The following DPY19L4 variants were observed in gnomAD, a reference collection of about 807,000 sequenced individuals.
DPY19L4 encodes probable C-mannosyltransferase DPY19L4.
A neutral mutation model predicts 102.8 loss-of-function variants in DPY19L4; 97 were observed. The observed-to-expected ratio is 0.94, with a 90% CI of 0.80 to 1.12. The LOEUF is 1.12. Ranked by LOEUF, DPY19L4 falls within the 50% of genes most tolerant of loss-of-function variation. The probability of loss-of-function intolerance (pLI) is 0.00; values close to 1 mark genes in which losing one functional copy is unlikely to be tolerated. For missense variants in DPY19L4, 815 were observed against 850.4 expected, an observed-to-expected ratio of 0.96 and a Z score of 0.52; for synonymous variants, 252 against 283.1, an observed-to-expected ratio of 0.89 and a Z score of 1.10.
intron 6 of DPY19L4, among the ~76,000 whole-genome samples, chr8:94,742,735 A>G (rs1464052273): frequency 6.6e-6 from 1 of 150,802 alleles, no homozygotes; most frequent in Non-Finnish European, 1.5e-5. Context: ...ATTTTTTTGT[A>G]TTTTTAGTAG....
chr8:94,768,479 T>C lies in DPY19L4; in HGVS notation c.1260T>C (p.Ser420=). 1 of 1,599,836 alleles carries C rather than the reference T, an allele frequency of 6.3e-7. No individual in the cohort carries two copies. The highest frequency in any genetic ancestry group is 8.5e-7 in the Non-Finnish European group (1 of 1,169,880). ...QDFFLRLTQS[S]LLPFYILVLI... ...TTTTTCTGCGATTGACACAGTCTTC[T>C]TTATTACCTTTCTACATTCTAGTGT... is the stretch of plus-strand genomic sequence containing the variant. Residue 420 remains serine (S), a synonymous_variant, in exon 12 of 19, where the codon TCT becomes TCC. Coordinates refer to ENST00000414645, the MANE Select transcript of DPY19L4 (RefSeq NM_181787.3).
chr8:94,749,446 G>A (rs1347138336), intron 6 of DPY19L4, among the ~76,000 whole-genome samples: 2 of 152,178 alleles, frequency 1.3e-5, no homozygotes, highest in Admixed American at 1.3e-4. Flanking sequence ...ACTGAACAAA[G>A]GAGTGGAGGA....
chr8:94,747,144 A>G (rs1811710839), intron 6 of DPY19L4, among the ~76,000 whole-genome samples: 1 of 151,890 alleles, frequency 6.6e-6, no homozygotes, highest in East Asian at 1.9e-4. Context: ...TCACTGCATC[A>G]TCAACCTCCC....
chr8:94,774,097 G>T (rs1488766452), intron 13 of DPY19L4, among the ~76,000 whole-genome samples: 1 of 150,436 alleles, frequency 6.6e-6, no homozygotes, highest in Non-Finnish European at 1.5e-5. Flanking sequence ...AGACTGGAGT[G>T]CGGTGGTGCC....
chr8:94,729,809 C>T (rs1810864513), intron 2 of DPY19L4, among the ~76,000 whole-genome samples: 2 of 151,514 alleles, frequency 1.3e-5, no homozygotes, highest in African/African-American at 4.9e-5. Flanking sequence ...CCAGCCTGGA[C>T]GATGCAGCAA....
At chr8:94,788,687 A>C (rs1813768229) in intron 18 of DPY19L4, among the ~76,000 whole-genome samples, 1 of 152,208 alleles carries the variant, frequency 6.6e-6, no homozygotes, top group African/African-American at 2.4e-5. Context: ...TGGCCTTCCA[A>C]TGAAGGCAGT....
At chr8:94,757,037 A>G (rs1812190689) in intron 7 of DPY19L4, among the ~76,000 whole-genome samples, 1 of 152,204 alleles carries the variant, frequency 6.6e-6, no homozygotes, top group Admixed American at 6.5e-5. Context: ...AAGAAAAAGA[A>G]TAATGATTTA....
chr8:94,768,597 G>T, intron 12 of DPY19L4, 44 bp downstream of exon 12: 1 of 1,116,564 alleles, frequency 9.0e-7, no homozygotes, highest in Non-Finnish European at 1.2e-6. Context: ...CATAAATTAT[G>T]GAAATATATA....
At chr8:94,750,689 G>C (rs1563589097) in intron 6 of DPY19L4, among the ~76,000 whole-genome samples, 1 of 151,958 alleles carries the variant, frequency 6.6e-6, no homozygotes, top group Non-Finnish European at 1.5e-5. Flanking sequence ...GACATATTTA[G>C]AGTGTCCAAT....
intron 6 of DPY19L4, among the ~76,000 whole-genome samples, chr8:94,746,309 C>T (rs1811672855): frequency 1.3e-5 from 2 of 151,918 alleles, no homozygotes; most frequent in Admixed American, 1.3e-4. Context: ...GATTCACCTG[C>T]CTTGGCCTCC....
intron 7 of DPY19L4, among the ~76,000 whole-genome samples, chr8:94,760,717 C>G (rs1000761349): frequency 6.6e-6 from 1 of 152,164 alleles, no homozygotes; most frequent in African/African-American, 2.4e-5. Flanking sequence ...TCATTTGACA[C>G]TACAGCCAGT....
chr8:94,777,295 G>A (rs1813229029), intron 13 of DPY19L4, among the ~76,000 whole-genome samples: 1 of 151,882 alleles, frequency 6.6e-6, no homozygotes, highest in Non-Finnish European at 1.5e-5. Flanking sequence ...CCAAACTCCT[G>A]GCCTCAAGTG....
chr8:94,723,604 T>C (rs562881997), intron 1 of DPY19L4, among the ~76,000 whole-genome samples: 1 of 152,358 alleles, frequency 6.6e-6, no homozygotes, highest in South Asian at 2.1e-4. Flanking sequence ...GTGACTTTGT[T>C]TTTCCATTAT....
At chr8:94,755,704 G>A (rs1047736354) in intron 6 of DPY19L4, among the ~76,000 whole-genome samples, 1 of 152,140 alleles carries the variant, frequency 6.6e-6, no homozygotes, top group Non-Finnish European at 1.5e-5. Flanking sequence ...AGACAACACG[G>A]TGAAACCCTG....
intron 6 of DPY19L4, among the ~76,000 whole-genome samples, chr8:94,754,648 T>A (rs1812081360): frequency 6.6e-6 from 1 of 152,180 alleles, no homozygotes; most frequent in South Asian, 2.1e-4. Flanking sequence ...AAAATAGCTA[T>A]TGAGTGCAAG....
chr8:94,749,227 G>A (rs1811811633), intron 6 of DPY19L4, among the ~76,000 whole-genome samples: 1 of 152,130 alleles, frequency 6.6e-6, no homozygotes, highest in African/African-American at 2.4e-5. Flanking sequence ...TGGGAACACA[G>A]CCAAACCATA....
At chr8:94,780,946 T>C (rs1813398619) in intron 15 of DPY19L4, 138 bp from the exon 16 acceptor site, 1 of 605,530 alleles carries the variant, frequency 1.7e-6, no homozygotes, top group South Asian at 2.5e-5. Context: ...TGACATTTTT[T>C]CCATGCGAAC....
intron 16 of DPY19L4, among the ~76,000 whole-genome samples, chr8:94,781,826 C>T (rs1019810199): frequency 4.6e-5 from 7 of 152,114 alleles, no homozygotes; most frequent in Non-Finnish European, 1.0e-4. Context: ...TTTTATAGTT[C>T]GAAATTATAC....
At chr8:94,733,894 G>C (rs1248378747) in intron 2 of DPY19L4, among the ~76,000 whole-genome samples, 1 of 152,072 alleles carries the variant, frequency 6.6e-6, no homozygotes, top group African/African-American at 2.4e-5. Flanking sequence ...TGAGCAGATA[G>C]AGTTCCTGTA....
Sources: gnomAD v4.1 joint callset for allele counts (sites outside exome capture counted in the v4.1 genomes callset) on GRCh38, gnomAD v4.1.1 for gene constraint, MANE v1.5 for transcripts, NCBI Gene and HGNC (gene_info 2026-07-23, HGNC 2026-07-21) for gene names.